Variants in CLPB observed in about 807,000 individuals in gnomAD.
CLPB encodes the protein mitochondrial disaggregase.
In CLPB, 40 loss-of-function variants were observed where a neutral mutation model predicts 78.4. The ratio of observed to expected loss-of-function variants is 0.51; its 90% CI spans 0.40 to 0.66. The LOEUF (loss-of-function observed/expected upper bound fraction) is 0.66, where lower values mean the gene tolerates loss of function less well. CLPB is among the 30% of genes least tolerant of loss of function. The probability of loss-of-function intolerance (pLI) is 0.00; values close to 1 mark genes in which losing one functional copy is unlikely to be tolerated. For synonymous variants in CLPB, 333 were observed against 348.0 expected (o/e 0.96, Z 0.48); for missense variants, 780 against 886.9 (o/e 0.88, Z 1.53).
In CLPB at chr11:72,359,026, C is replaced by G; in HGVS notation, c.647-18G>C. ...GATCAGGACTGGGGAGACAGCAACACAAACCCTTCCATTAGCAACGACAGC... is the reference window on the plus strand; with the variant it reads ...GATCAGGACTGGGGAGACAGCAACAGAAACCCTTCCATTAGCAACGACAGC... On this transcript the variant is annotated intron_variant, in intron 4 of 15. Coordinates refer to ENST00000538039, the MANE Select transcript of CLPB (RefSeq NM_001258392.3). 6.2e-7 allele frequency: 1 copy of G among 1,612,772 alleles called. No individual in the cohort carries two copies. The highest frequency in any genetic ancestry group is 8.5e-7 in the Non-Finnish European group (1 of 1,179,444).
chr11:72,293,278 G>A lies in CLPB; in HGVS notation c.*89C>T, dbSNP rs942439516. The A allele has an allele frequency of 8.0e-6, 12 of 1,491,944 alleles. No homozygotes were observed. Among genetic ancestry groups the A allele is most frequent in the Admixed American group, 1.8e-5 (1 of 55,812 alleles). The allele number at this position is 1,491,944 out of a possible 1,614,324, so 92.4% of individuals were successfully genotyped here. A position where few individuals can be genotyped will look rare whatever the true frequency, so the allele number is the denominator to read the frequency against. ...CCTGAGACTGGGTAGAGATGGGAGC[G>A]GCATGAGGGGAAGGTAAGTCAGTTG... On this transcript the variant is annotated 3_prime_UTR_variant, in exon 16 of 16. Transcript: ENST00000538039.
At chr11:72,426,275 G>C (rs981170427) in intron 2 of CLPB, among the ~76,000 whole-genome samples, 1 of 152,222 alleles carries the variant, frequency 6.6e-6, no homozygotes, top group Non-Finnish European at 1.5e-5. Flanking sequence ...TCCACCGGGA[G>C]AACAGGAGGC....
At chr11:72,324,584 A>C (rs1950099677) in intron 6 of CLPB, among the ~76,000 whole-genome samples, 1 of 152,184 alleles carries the variant, frequency 6.6e-6, no homozygotes, top group Non-Finnish European at 1.5e-5. Context: ...AAAAAAATAA[A>C]AATAAATAAA....
At chr11:72,357,343 G>A (rs572428656) in intron 5 of CLPB, among the ~76,000 whole-genome samples, 1 of 152,258 alleles carries the variant, frequency 6.6e-6, no homozygotes, top group Admixed American at 6.5e-5. Context: ...TTGAAGACTG[G>A]TATTTGGAAA....
chr11:72,403,488 G>C (rs1855623473), intron 2 of CLPB, among the ~76,000 whole-genome samples: 1 of 152,136 alleles, frequency 6.6e-6, no homozygotes, highest in Admixed American at 6.5e-5. Flanking sequence ...GTGGCTCGTG[G>C]ACTCCTGAGA....
intron 3 of CLPB, among the ~76,000 whole-genome samples, chr11:72,397,481 G>T (rs1855441503): frequency 6.6e-6 from 1 of 152,110 alleles, no homozygotes; most frequent in Admixed American, 6.6e-5. Context: ...ATACCATTAT[G>T]CATTCCTATC....
rs142263393 is a variant in CLPB at position 72,423,951 on chromosome 11, T to A, written c.455+6361A>T. On this transcript the variant is annotated intron_variant, in intron 2 of 15. Coordinates refer to ENST00000538039, the MANE Select transcript of CLPB (RefSeq NM_001258392.3). ...GAACTGTCTTCCGCCTTTCTCTTCA[T>A]CATTAAGAGTTCACTTCAGTCTCAT... 2.2e-3 allele frequency among the ~76,000 whole-genome samples: 337 copies of A among 152,354 alleles called. 2 individuals are homozygous for A. The highest frequency in any genetic ancestry group is 7.7e-3 in the African/African-American group (319 of 41,586).
At chr11:72,408,047 T>C (rs1255791606) in intron 2 of CLPB, 9 of 1,157,868 alleles carry the variant, frequency 7.8e-6, no homozygotes, top group African/African-American at 1.5e-5. Context: ...CCCAGTGTCA[T>C]AGGAGTTTTA....
chr11:72,356,258 A>G (rs1950712058), intron 5 of CLPB, among the ~76,000 whole-genome samples: 1 of 150,398 alleles, frequency 6.6e-6, no homozygotes, highest in African/African-American at 2.4e-5. Context: ...AGCCTGGGCA[A>G]TAAGAGCGAA....
chr11:72,368,380 A>G (rs1187948780), intron 4 of CLPB, among the ~76,000 whole-genome samples: 1 of 152,234 alleles, frequency 6.6e-6, no homozygotes, highest in Non-Finnish European at 1.5e-5. Flanking sequence ...TTAAACGAAG[A>G]AACTGACACT....
chr11:72,405,081 G>GA (rs1009480030), intron 2 of CLPB, among the ~76,000 whole-genome samples: 2 of 152,310 alleles, frequency 1.3e-5, no homozygotes, highest in South Asian at 4.1e-4. Flanking sequence ...CAAGAGGCTA[G>GA]AAAATCAGGA....
intron 3 of CLPB, among the ~76,000 whole-genome samples, chr11:72,401,177 C>T (rs1266182786): frequency 5.3e-5 from 8 of 152,166 alleles, no homozygotes; most frequent in Non-Finnish European, 7.3e-5. Flanking sequence ...TGGTGGCTCA[C>T]GCCTGTAATC....
Position 72,430,178 on chromosome 11 carries a change from C to A in CLPB, c.455+134G>T, listed in dbSNP as rs75184960. On this transcript the variant is annotated intron_variant, in intron 2 of 15. Transcript: ENST00000538039. ...AAAGGAAGCCCAGGTGACTCTGTGA[C>A]TACAGAGATGTCACAGGGGACAGTT... 0.02 allele frequency: 16,419 copies of A among 826,028 alleles called. 239 individuals are homozygous for A. The highest frequency in any genetic ancestry group is 0.055 in the East Asian group (2,054 of 37,682). The allele number at this position is 826,028 out of a possible 1,614,324, so 51.2% of individuals were successfully genotyped here.
intron 3 of CLPB, among the ~76,000 whole-genome samples, chr11:72,381,395 C>G (rs1273874270): frequency 6.6e-6 from 1 of 152,166 alleles, no homozygotes; most frequent in Non-Finnish European, 1.5e-5. Context: ...GCCCCAGGCT[C>G]CAGATCTGCT....
chr11:72,334,554 C>T (rs1047297979), intron 5 of CLPB, among the ~76,000 whole-genome samples: 13 of 152,364 alleles, frequency 8.5e-5, no homozygotes, highest in African/African-American at 2.2e-4. Flanking sequence ...TTCACCTCCA[C>T]GACCAACGGC....
In CLPB at chr11:72,430,319, C is replaced by T. The variant is rs753219309; in HGVS notation, c.448G>A (p.Val150Ile). ...GCCTGGGGTTCAACTCACCTGCTGA[C>T]TTCTTGCATATTGTTGGCACGGGCA... ...EAARANNMQE[V>I]SRLLSEGADV... is the part of the protein sequence containing the mutation. The change falls in exon 2 of 16, where the codon GTC becomes ATC. Residue 150 changes from valine to isoleucine, a missense_variant. Physicochemically the swap from Val to Ile is conservative, Grantham distance 29. This residue lies in a region of CLPB where 417 missense variants were observed against 414.7 expected (regional missense o/e 1.01). Coordinates refer to ENST00000538039, the MANE Select transcript of CLPB (RefSeq NM_001258392.3). 4 of 1,613,180 alleles carry T rather than the reference C, an allele frequency of 2.5e-6. No homozygotes were observed. Among genetic ancestry groups the T allele is most frequent in the African/African-American group, 2.7e-5 (2 of 74,902 alleles).
At chr11:72,408,511 C>CA (rs1327288367) in intron 2 of CLPB, among the ~76,000 whole-genome samples, 1 of 151,616 alleles carries the variant, frequency 6.6e-6, no homozygotes, top group Non-Finnish European at 1.5e-5. Flanking sequence ...ACTAAAAATA[C>CA]AAAAAATTAG....
rs775474060 is a variant in CLPB at position 72,402,951 on chromosome 11, A to G, written c.542+15T>C. ...ATCTGCCTAAAGGAGCCCTGTGTGGAAGGTGGTCTCTCACCTGTTGTTTCG... is the reference window on the plus strand; with the variant it reads ...ATCTGCCTAAAGGAGCCCTGTGTGGGAGGTGGTCTCTCACCTGTTGTTTCG... On this transcript the variant is annotated intron_variant, in intron 3 of 15. Transcript: ENST00000538039. 2.5e-6 allele frequency: 4 copies of G among 1,611,320 alleles called. No individual in the cohort carries two copies. The African/African-American group carries it at 5.3e-5, about 22-fold the overall frequency.
chr11:72,326,766 A>C (rs1427317702), intron 6 of CLPB, among the ~76,000 whole-genome samples: 1 of 152,350 alleles, frequency 6.6e-6, no homozygotes, highest in Non-Finnish European at 1.5e-5. Flanking sequence ...ACTTACTGGC[A>C]GAGGGAGAAG....
Sources: gnomAD v4.1 joint callset for allele counts (sites outside exome capture counted in the v4.1 genomes callset) on GRCh38, gnomAD v4.1.1 for gene constraint, gnomAD v4.1.1 regional missense constraint, MANE v1.5 for transcripts, NCBI Gene and HGNC (gene_info 2026-07-23, HGNC 2026-07-21) for gene names.